SAP30BP: variants seen among roughly 807,000 people sequenced by gnomAD.
SAP30BP encodes the protein SAP30-binding protein.
SAP30BP carries 31 observed loss-of-function variants against 46.3 expected under a neutral mutation model. The ratio of observed to expected loss-of-function variants is 0.67; its 90% CI spans 0.50 to 0.90. The LOEUF (loss-of-function observed/expected upper bound fraction) is 0.90, where lower values mean the gene tolerates loss of function less well. Ranked by LOEUF, SAP30BP falls within the 40% of genes least tolerant of loss-of-function variation. SAP30BP has a pLI of 0.00. For synonymous variants in SAP30BP, 169 were observed against 144.2 expected (o/e 1.17, Z -1.23); for missense variants, 312 against 391.0 (o/e 0.80, Z 1.70).
chr17:75,672,738 CT>C (rs1056791259), intron 3 of SAP30BP, among the ~76,000 whole-genome samples: 3 of 152,132 alleles, frequency 2.0e-5, no homozygotes, highest in African/African-American at 7.2e-5. Context: ...GGGAGGATCA[CT>C]TGAGGTCAGG....
intron 3 of SAP30BP, among the ~76,000 whole-genome samples, chr17:75,680,879 CAA>C (rs1220047570): frequency 6.6e-6 from 1 of 152,082 alleles, no homozygotes; most frequent in Admixed American, 6.5e-5. Flanking sequence ...ACAGAAACTA[CAA>C]AAGTTAGCCA....
At chr17:75,684,223 G>A (rs550819839) in intron 3 of SAP30BP, among the ~76,000 whole-genome samples, 68 of 152,272 alleles carry the variant, frequency 4.5e-4, no homozygotes, top group Non-Finnish European at 6.5e-4. Flanking sequence ...CAGTTTACTC[G>A]TGTGCAAAAT....
At chr17:75,672,483 T>C (rs1415294164) in intron 3 of SAP30BP, among the ~76,000 whole-genome samples, 1 of 152,186 alleles carries the variant, frequency 6.6e-6, no homozygotes, top group African/African-American at 2.4e-5. Context: ...AATGATCTGT[T>C]GTGAAGGTTA....
chr17:75,705,895 C>T, intron 9 of SAP30BP, 113 bp from the exon 10 acceptor site: 1 of 1,467,174 alleles, frequency 6.8e-7, no homozygotes, highest in South Asian at 1.2e-5. Context: ...AGTTCATTTC[C>T]AATGCCTCTT....
intron 3 of SAP30BP, among the ~76,000 whole-genome samples, chr17:75,681,985 C>T (rs1228499684): frequency 6.6e-6 from 1 of 151,890 alleles, no homozygotes; most frequent in African/African-American, 2.4e-5. Context: ...CTGAGAATTA[C>T]TCTGCAGAAC....
intron 4 of SAP30BP, among the ~76,000 whole-genome samples, chr17:75,697,343 C>A (rs2148412466): frequency 6.6e-6 from 1 of 152,336 alleles, no homozygotes; most frequent in Admixed American, 6.5e-5. Context: ...TGATTCCACT[C>A]TCCACCAGCT....
intron 4 of SAP30BP, among the ~76,000 whole-genome samples, 151 bp from the exon 5 acceptor site, chr17:75,699,617 TCAGCTCAGATGACAC>T (rs2060376292): frequency 6.6e-6 from 1 of 152,050 alleles, no homozygotes; most frequent in South Asian, 2.1e-4. Flanking sequence ...TCATTCAGTC[TCAGCTCAGATGACAC>T]CTCAGAGAGG....
chr17:75,687,224 T>C (rs1283352905), intron 3 of SAP30BP, among the ~76,000 whole-genome samples: 1 of 152,222 alleles, frequency 6.6e-6, no homozygotes, highest in South Asian at 2.1e-4. Flanking sequence ...GGTGTATAAA[T>C]CATGCTCAAT....
intron 3 of SAP30BP, among the ~76,000 whole-genome samples, chr17:75,676,266 T>C (rs886521518): frequency 6.6e-5 from 10 of 152,228 alleles, no homozygotes; most frequent in African/African-American, 2.4e-4. Flanking sequence ...TGATTTGATA[T>C]CGTCAGGCTC....
Position 75,707,635 on chromosome 17 carries a change from A to C in SAP30BP, c.*1114A>C, listed in dbSNP as rs1395968879. 1 of 152,634 alleles carries C rather than the reference A, an allele frequency of 6.6e-6. No individual in the cohort carries two copies. Among genetic ancestry groups the C allele is most frequent in the Non-Finnish European group, 1.5e-5 (1 of 68,054 alleles). 9.5% of individuals were successfully genotyped at this position (152,634 alleles called of 1,614,324 possible). ...CTGGGGAATATAAGGAACTCTGTGC[A>C]TGAGGTTTCAAAAATAAAAATTGAG... On this transcript the variant is annotated 3_prime_UTR_variant, in exon 11 of 11. Transcript: ENST00000584667.
intron 4 of SAP30BP, among the ~76,000 whole-genome samples, chr17:75,696,082 AG>A (rs1360523101): frequency 6.6e-6 from 1 of 152,212 alleles, no homozygotes; most frequent in African/African-American, 2.4e-5. Flanking sequence ...GGCACGCACC[AG>A]GGCAAGTCAC....
intron 3 of SAP30BP, among the ~76,000 whole-genome samples, chr17:75,689,958 A>T (rs2060217819): frequency 6.6e-6 from 1 of 152,182 alleles, no homozygotes; most frequent in South Asian, 2.1e-4. Context: ...TCTATCAATT[A>T]AAAGATTTCA....
intron 3 of SAP30BP, chr17:75,684,747 G>GGTA (rs1383237699): frequency 6.6e-6 from 1 of 152,214 alleles, no homozygotes; most frequent in African/African-American, 2.4e-5. Context: ...AGGGTTCTGG[G>GGTA]GGTTCTAGGG....
chr17:75,670,313 C>A (rs1324373479), intron 2 of SAP30BP, among the ~76,000 whole-genome samples: 1 of 151,568 alleles, frequency 6.6e-6, no homozygotes, highest in Admixed American at 6.6e-5. Context: ...CAGAGCCAGA[C>A]TCCATCTTAA....
Position 75,703,624 on chromosome 17 carries a change from A to G in SAP30BP, c.550-184A>G, listed in dbSNP as rs1341547887. On this transcript the variant is annotated intron_variant, in intron 7 of 10. Coordinates refer to ENST00000584667, the MANE Select transcript of SAP30BP (RefSeq NM_013260.8). Reference sequence around the variant, plus strand: ...ACCTGCTGCTCCTGGGGTTCGCTGGATGGGGGCTTCGTGCTCCCATGTTCT... The same window carrying G: ...ACCTGCTGCTCCTGGGGTTCGCTGGGTGGGGGCTTCGTGCTCCCATGTTCT... The G allele has an allele frequency of 4.0e-5, 26 of 657,534 alleles. 1 individual carries two copies. The South Asian group carries it at 4.7e-4, about 12-fold the overall frequency. The allele number at this position is 657,534 out of a possible 1,614,324, so 40.7% of individuals were successfully genotyped here. A position where few individuals can be genotyped will look rare whatever the true frequency, so the allele number is the denominator to read the frequency against.
Position 75,707,524 on chromosome 17 carries a change from G to A in SAP30BP, c.*1003G>A, listed in dbSNP as rs889564970. The A allele has an allele frequency of 4.6e-5, 7 of 152,806 alleles. No homozygotes were observed. The highest frequency in any genetic ancestry group is 3.3e-4 in the Admixed American group (5 of 15,288). 9.5% of individuals were successfully genotyped at this position (152,806 alleles called of 1,614,324 possible). ...GCTGTGTGTCAAAAGAAGGAAGCCA[G>A]GCTGTGAAGGGCCGTGTTGCTTTCA... On this transcript the variant is annotated 3_prime_UTR_variant, in exon 11 of 11. Coordinates refer to ENST00000584667, the MANE Select transcript of SAP30BP (RefSeq NM_013260.8).
chr17:75,684,577 A>G (rs1262270526), intron 3 of SAP30BP: 1 of 152,168 alleles, frequency 6.6e-6, no homozygotes, highest in African/African-American at 2.4e-5. Flanking sequence ...GCCCAAGCCT[A>G]CGTAGCATTC....
chr17:75,690,282 C>T (rs2060222720), intron 3 of SAP30BP, among the ~76,000 whole-genome samples: 1 of 152,110 alleles, frequency 6.6e-6, no homozygotes. Flanking sequence ...TAGGCCTGTC[C>T]TCCCTGTGGT....
intron 3 of SAP30BP, among the ~76,000 whole-genome samples, chr17:75,677,790 A>G (rs2060015485): frequency 7.1e-6 from 1 of 141,352 alleles, no homozygotes; most frequent in South Asian, 2.2e-4. Context: ...TCAAACGGCT[A>G]CAGTTTGGTG....
Sources: allele counts gnomAD v4.1 joint callset (sites outside exome capture counted in the v4.1 genomes callset), GRCh38; gene constraint gnomAD v4.1.1; transcripts MANE v1.5; gene names NCBI Gene and HGNC (gene_info 2026-07-23, HGNC 2026-07-21).